ZNF254: variants seen among roughly 807,000 people sequenced by gnomAD.
ZNF254 encodes the protein CTD-2017D11.1.
ZNF254 carries 10 observed loss-of-function variants against 12.4 expected under a neutral mutation model. The ratio of observed to expected loss-of-function variants is 0.80; its 90% confidence interval spans 0.50 to 1.36. ZNF254 has a LOEUF of 1.36. Ranked by LOEUF, ZNF254 falls within the 40% of genes most tolerant of loss-of-function variation. The probability of loss-of-function intolerance (pLI) is 0.00; values close to 1 mark genes in which losing one functional copy is unlikely to be tolerated. For synonymous variants in ZNF254, 305 were observed against 253.4 expected, an observed-to-expected ratio of 1.20 and a Z score of -1.93; for missense variants, 996 against 763.9, an observed-to-expected ratio of 1.30 and a Z score of -3.58.
chr19:24,108,276 C>T (rs1029756455), intron 3 of ZNF254, among the ~76,000 whole-genome samples: 2 of 152,094 alleles, frequency 1.3e-5, no homozygotes, highest in Non-Finnish European at 2.9e-5. Flanking sequence ...AAGGCAGGAC[C>T]CCCCCAGACT....
Position 24,126,745 on chromosome 19 carries a change from C to T in ZNF254, c.745C>T (p.Gln249Ter). The T allele has an allele frequency of 1.9e-6, 3 of 1,613,374 alleles. No individual in the cohort carries two copies. Among genetic ancestry groups the T allele is most frequent in the Non-Finnish European group, 2.5e-6 (3 of 1,179,760 alleles). The change falls in exon 4 of 4, where the codon CAA (glutamine) becomes TAA (stop). Residue 249 changes from glutamine (Q) to a stop codon, truncating the protein, a stop_gained. Transcript: ENST00000357002. LOFTEE classifies it low-confidence loss of function (END_TRUNC). ...KCEEYNKSPK[Q>*]LSTLTTHEII... ...TGAAGAATATAACAAATCTCCTAAG[C>T]AACTCTCAACCCTTACTACACATGA... is the stretch of plus-strand genomic sequence containing the variant.
intron 3 of ZNF254, among the ~76,000 whole-genome samples, chr19:24,113,714 G>A (rs1434604740): frequency 6.6e-6 from 1 of 152,120 alleles, no homozygotes; most frequent in African/African-American, 2.4e-5. Flanking sequence ...GAAATAAAGG[G>A]TATTCAATTA....
chr19:24,119,664 T>C (rs901823864), intron 3 of ZNF254, among the ~76,000 whole-genome samples: 4 of 152,180 alleles, frequency 2.6e-5, no homozygotes, highest in Admixed American at 1.3e-4. Flanking sequence ...AGTTTTTTTG[T>C]ATTTTTGGTT....
upstream of ZNF254, among the ~76,000 whole-genome samples, chr19:24,086,846 G>A (rs1043349272): frequency 6.6e-6 from 1 of 152,188 alleles, no homozygotes; most frequent in Non-Finnish European, 1.5e-5. Context: ...TAAAGTAAAA[G>A]TTGATTTTCT....
chr19:24,058,810 C>T (rs1327876065), intron 2 of ZNF254, among the ~76,000 whole-genome samples: 1 of 152,158 alleles, frequency 6.6e-6, no homozygotes, highest in Non-Finnish European at 1.5e-5. Context: ...TCTGCTTTGC[C>T]CACGTGGTTC....
At chr19:24,042,807 G>C (rs1490550665) in intron 1 of ZNF254, among the ~76,000 whole-genome samples, 1 of 152,160 alleles carries the variant, frequency 6.6e-6, no homozygotes, top group Admixed American at 6.5e-5. Flanking sequence ...GCCCATCTGT[G>C]CATTGGCCTC....
chr19:24,043,282 G>C (rs1970247346), intron 1 of ZNF254, among the ~76,000 whole-genome samples: 1 of 149,226 alleles, frequency 6.7e-6, no homozygotes, highest in Non-Finnish European at 1.5e-5. Context: ...TTTTTTTTGA[G>C]ATAGAATCTT....
At chr19:24,115,450 C>T (rs1555768252) in intron 3 of ZNF254, among the ~76,000 whole-genome samples, 1 of 134,142 alleles carries the variant, frequency 7.5e-6, no homozygotes, top group Non-Finnish European at 1.5e-5. Context: ...CCGCATATTC[C>T]CACTCATGGG....
At position 24,128,249 on chromosome 19, in the gene ZNF254, C is replaced by T; in HGVS notation, c.*269C>T. 2.7e-6 allele frequency: 1 copy of T among 364,676 alleles called. No individual in the cohort carries two copies. The highest frequency in any genetic ancestry group is 4.9e-6 in the Non-Finnish European group (1 of 204,902). The allele number at this position is 364,676 out of a possible 1,614,324, so 22.6% of individuals were successfully genotyped here. A position where few individuals can be genotyped will look rare whatever the true frequency, so the allele number is the denominator to read the frequency against. ...TGGCCAAGCTTCGACAATGCTCACA[C>T]CCTATTGCACAGGAAAGCATTTATA... On this transcript the variant is annotated 3_prime_UTR_variant, in exon 4 of 4. Transcript: ENST00000357002.
At chr19:24,064,072 G>T (rs1971180191) in intron 2 of ZNF254, 1 of 152,188 alleles carries the variant, frequency 6.6e-6, no homozygotes, top group Non-Finnish European at 1.5e-5. Context: ...CTGTACACAG[G>T]AGTCACTGTG....
chr19:24,111,107 C>T (rs181471160), intron 3 of ZNF254, among the ~76,000 whole-genome samples: 1 of 118,462 alleles, frequency 8.4e-6, no homozygotes, highest in Non-Finnish European at 1.7e-5. Flanking sequence ...TCCCCCTCCC[C>T]CCACCCCACA....
At chr19:24,089,973 G>C (rs187592142) in intron 1 of ZNF254, among the ~76,000 whole-genome samples, 1 of 150,142 alleles carries the variant, frequency 6.7e-6, no homozygotes, top group African/African-American at 2.5e-5. Flanking sequence ...GGTGGATCAC[G>C]AAGTCAGGAG....
chr19:24,061,695 A>T (rs928691758), intron 2 of ZNF254, among the ~76,000 whole-genome samples: 10 of 152,284 alleles, frequency 6.6e-5, no homozygotes, highest in Non-Finnish European at 1.5e-4. Flanking sequence ...GGTAACATAT[A>T]TCTCGGCCCA....
intron 3 of ZNF254, among the ~76,000 whole-genome samples, chr19:24,111,405 A>G (rs1463700427): frequency 6.6e-6 from 1 of 152,202 alleles, no homozygotes; most frequent in African/African-American, 2.4e-5. Flanking sequence ...TACTGCCACA[A>G]TAAACATACT....
chr19:24,077,268 T>C (rs953289517), intron 2 of ZNF254, among the ~76,000 whole-genome samples: 5 of 152,236 alleles, frequency 3.3e-5, no homozygotes, highest in Non-Finnish European at 7.3e-5. Context: ...CTTGACTTTC[T>C]AAAATGTATT....
At chr19:24,047,795 C>T (rs1464079154) in intron 2 of ZNF254, among the ~76,000 whole-genome samples, 1 of 150,678 alleles carries the variant, frequency 6.6e-6, no homozygotes, top group African/African-American at 2.4e-5. Context: ...TTAAGTAATT[C>T]TCCTGCCTCA....
intron 1 of ZNF254, among the ~76,000 whole-genome samples, chr19:24,039,075 T>G (rs2145183489): frequency 6.6e-6 from 1 of 152,364 alleles, no homozygotes; most frequent in Non-Finnish European, 1.5e-5. Flanking sequence ...TTCTCCATTC[T>G]GTGTTGGAGC....
In ZNF254 at chr19:24,126,683, A is replaced by G. The variant is rs372130135; in HGVS notation, c.683A>G (p.His228Arg). 9.3e-6 allele frequency: 15 copies of G among 1,613,272 alleles called. No homozygotes were observed. Among genetic ancestry groups the G allele is most frequent in the African/African-American group, 5.3e-5 (4 of 74,908 alleles). ...TFNWSSTLTN[H>R]RKIYTEEKPY... is the part of the protein sequence containing the mutation. ...AATTGGTCCTCAACCCTTACTAATC[A>G]TAGGAAAATTTATACTGAAGAGAAA... Residue 228 changes from histidine (H) to arginine (R), a missense_variant, in exon 4 of 4, where the codon CAT becomes CGT. Coordinates refer to ENST00000357002, the MANE Select transcript of ZNF254 (RefSeq NM_203282.4).
At chr19:24,066,010 T>A (rs1260794934) in intron 2 of ZNF254, 1 of 152,096 alleles carries the variant, frequency 6.6e-6, no homozygotes, top group East Asian at 1.9e-4. Flanking sequence ...GTGATGTGAC[T>A]CTCCTCTTTT....
Sources: allele counts gnomAD v4.1 joint callset (sites outside exome capture counted in the v4.1 genomes callset), GRCh38; gene constraint gnomAD v4.1.1; transcripts MANE v1.5; gene names NCBI Gene and HGNC (gene_info 2026-07-23, HGNC 2026-07-21).